ERMP1: variants seen among roughly 807,000 people sequenced by gnomAD.
ERMP1 encodes Felix-ina.
In ERMP1, 86 loss-of-function variants were observed where a neutral mutation model predicts 92.0. That is an observed-to-expected ratio of 0.93 (90% CI 0.79 to 1.12). The LOEUF (loss-of-function observed/expected upper bound fraction) is 1.12. ERMP1 is among the 50% of genes most tolerant of loss of function. The pLI, the probability that ERMP1 is intolerant of heterozygous loss-of-function variation, is 0.00. For missense variants in ERMP1, 1,342 were observed against 1,116.3 expected, an observed-to-expected ratio of 1.20 and a Z score of -2.88; for synonymous variants, 530 against 412.8, an observed-to-expected ratio of 1.28 and a Z score of -3.44.
intron 5 of ERMP1, among the ~76,000 whole-genome samples, chr9:5,863,591 G>A (rs2129787843): frequency 6.6e-6 from 1 of 152,270 alleles, no homozygotes; most frequent in Non-Finnish European, 1.5e-5. Flanking sequence ...CTGTCTGGGT[G>A]CAGTTACATA....
chr9:5,860,667 T>G (rs955856504), intron 5 of ERMP1, among the ~76,000 whole-genome samples: 33 of 150,156 alleles, frequency 2.2e-4, no homozygotes, highest in Non-Finnish European at 1.6e-4. Flanking sequence ...CAGGCTGGCC[T>G]CGAACTCCTG....
rs749684686 is a variant in ERMP1, at chr9:5,809,973, G to C, written c.1548+38C>G. On this transcript the variant is annotated intron_variant, in intron 8 of 14. Transcript: ENST00000339450. ...TTAAGTTCATCTTCAGTCCCTGGAG[G>C]CAACAGAAAGAAATCAACAAATATA... 5.8e-6 allele frequency: 8 copies of C among 1,370,746 alleles called. No homozygotes were observed. In the African/African-American group the frequency reaches 1.1e-4, roughly 20 times the overall value. 84.9% of individuals were successfully genotyped at this position (1,370,746 alleles called of 1,614,324 possible). A position where few individuals can be genotyped will look rare whatever the true frequency, so the allele number is the denominator to read the frequency against.
intron 11 of ERMP1, among the ~76,000 whole-genome samples, 186 bp downstream of exon 11, chr9:5,800,990 T>C (rs1033063799): frequency 2.6e-5 from 4 of 152,228 alleles, no homozygotes; most frequent in Non-Finnish European, 4.4e-5. Flanking sequence ...GGGAGATATA[T>C]GTCTAGCTGA....
intron 5 of ERMP1, among the ~76,000 whole-genome samples, chr9:5,860,864 T>G (rs1586846887): frequency 6.6e-6 from 1 of 152,118 alleles, no homozygotes; most frequent in South Asian, 2.1e-4. Context: ...AATGGATTAC[T>G]ATGGTGGCTG....
At chr9:5,858,809 T>C (rs1288371802) in intron 6 of ERMP1, among the ~76,000 whole-genome samples, 1 of 152,166 alleles carries the variant, frequency 6.6e-6, no homozygotes, top group Non-Finnish European at 1.5e-5. Flanking sequence ...TCATGCTCCA[T>C]AGAAGCTGGA....
At chr9:5,814,984 C>G (rs987106936) in intron 4 of ERMP1, among the ~76,000 whole-genome samples, 2 of 151,370 alleles carry the variant, frequency 1.3e-5, no homozygotes, top group Non-Finnish European at 1.5e-5. Flanking sequence ...GGGCTTAACA[C>G]AAAGTTTAAT....
At chr9:5,796,390 A>G (rs973399617) in intron 13 of ERMP1, among the ~76,000 whole-genome samples, 20 of 152,360 alleles carry the variant, frequency 1.3e-4, no homozygotes, top group Admixed American at 2.0e-4. Context: ...AGTTTCTTAC[A>G]AAGCTAAACA....
chr9:5,813,135 TG>T, intron 4 of ERMP1, 100 bp from the exon 5 acceptor site: 2 of 1,263,784 alleles, frequency 1.6e-6, no homozygotes, highest in Non-Finnish European at 2.3e-6. Context: ...GTGGTGGTTT[TG>T]GGAGACGGGT....
chr9:5,854,903 A>T (rs1423023270), intron 6 of ERMP1, among the ~76,000 whole-genome samples: 5 of 152,154 alleles, frequency 3.3e-5, no homozygotes, highest in African/African-American at 1.2e-4. Context: ...TTTTTTGAGG[A>T]TTCCCAAAAG....
chr9:5,817,896 G>T (rs2131252727), intron 4 of ERMP1, among the ~76,000 whole-genome samples: 1 of 152,278 alleles, frequency 6.6e-6, no homozygotes, highest in South Asian at 2.1e-4. Context: ...ACTAAGAGTG[G>T]TAAATATTAT....
Position 5,810,106 on chromosome 9 carries a change from A to G in ERMP1, c.1453T>C (p.Tyr485His). 6.2e-7 allele frequency: 1 copy of G among 1,613,922 alleles called. No individual in the cohort carries two copies. Among genetic ancestry groups the G allele is most frequent in the Non-Finnish European group, 8.5e-7 (1 of 1,179,796 alleles). The change falls in exon 8 of 15, where the codon TAT becomes CAT. Residue 485 changes from tyrosine (Y) to histidine (H), a missense_variant. Physicochemically the swap from Tyr to His is moderately conservative, Grantham distance 83 (BLOSUM62 2). Transcript: ENST00000339450. ...CAAACGGAGACATAGAAGTGGTTAT[A>G]CCATGAGAGAGACTGTCCAATAAGA... ...ISLIGQSLSWYNHFYVSVCLY... is the reference protein window; with the variant it reads ...ISLIGQSLSWHNHFYVSVCLY...
intron 8 of ERMP1, 101 bp from the exon 9 acceptor site, chr9:5,805,886 T>G: frequency 1.1e-6 from 1 of 948,612 alleles, no homozygotes; most frequent in African/African-American, 1.7e-5. Context: ...AAGCTACATT[T>G]TGTTTTAAAC....
At chr9:5,844,168 T>G (rs1213156979) in intron 6 of ERMP1, among the ~76,000 whole-genome samples, 1 of 152,208 alleles carries the variant, frequency 6.6e-6, no homozygotes, top group South Asian at 2.1e-4. Flanking sequence ...TCCTACATCC[T>G]GAGACTTCCT....
Position 5,811,308 on chromosome 9 carries a change from G to T in ERMP1, c.1130C>A (p.Ala377Glu). ...AGATGTAGCTAGATGCTTAAGAACT[G>T]CTAAAATGTTGTCACCTATTAGTAA... ...SIQRAGDNIL[A>E]VLKHLATSDM... The change falls in exon 7 of 15, where the codon GCA becomes GAA. Residue 377 changes from alanine (A) to glutamate (E), a missense_variant. Physicochemically the swap from Ala to Glu is moderately radical, Grantham distance 107 (BLOSUM62 -1). Transcript: ENST00000339450. 6.2e-7 allele frequency: 1 copy of T among 1,608,050 alleles called. No individual in the cohort carries two copies. The highest frequency in any genetic ancestry group is 8.5e-7 in the Non-Finnish European group (1 of 1,177,556).
chr9:5,788,607 AG>A (rs1333648817), intron 13 of ERMP1, among the ~76,000 whole-genome samples: 2 of 152,206 alleles, frequency 1.3e-5, no homozygotes, highest in Non-Finnish European at 2.9e-5. Flanking sequence ...AGCCATTGCT[AG>A]AAATCTTACA....
intron 8 of ERMP1, among the ~76,000 whole-genome samples, chr9:5,808,247 G>A (rs1018906229): frequency 3.9e-5 from 6 of 152,194 alleles, no homozygotes; most frequent in Admixed American, 3.9e-4. Context: ...TCAGACAACT[G>A]AAATTAGTAA....
At chr9:5,863,261 A>G (rs1282022381) in intron 5 of ERMP1, among the ~76,000 whole-genome samples, 1 of 152,226 alleles carries the variant, frequency 6.6e-6, no homozygotes, top group Non-Finnish European at 1.5e-5. Flanking sequence ...TTTAAAGGCA[A>G]TACTTTCAAA....
chr9:5,861,168 GGGGTGTGTGTGTGTGTGTGTGT>G (rs1165092515), intron 5 of ERMP1, among the ~76,000 whole-genome samples: 1 of 117,556 alleles, frequency 8.5e-6, no homozygotes, highest in African/African-American at 3.5e-5. Flanking sequence ...AATGGCTTAG[GGGGTGTGTGTGTGTGTGTGTGT>G]GTGTGTGTGT....
chr9:5,862,889 A>T (rs1005665254), intron 5 of ERMP1, among the ~76,000 whole-genome samples: 4 of 152,232 alleles, frequency 2.6e-5, no homozygotes, highest in Non-Finnish European at 5.9e-5. Flanking sequence ...ATAAAATGCA[A>T]TAAGAAAGCC....
Sources: allele counts gnomAD v4.1 joint callset (sites outside exome capture counted in the v4.1 genomes callset), GRCh38; gene constraint gnomAD v4.1.1; transcripts MANE v1.5; gene names NCBI Gene and HGNC (gene_info 2026-07-23, HGNC 2026-07-21).